Variants in C20orf203 observed in about 807,000 individuals in gnomAD.
C20orf203 encodes the protein uncharacterized protein C20orf203.
C20orf203 carries 16 observed loss-of-function variants against 15.9 expected under a neutral mutation model. That is an observed-to-expected ratio of 1.01 (90% CI 0.68 to 1.53). The LOEUF (loss-of-function observed/expected upper bound fraction) is 1.53, where lower values mean the gene tolerates loss of function less well. Ranked by LOEUF, C20orf203 falls within the 40% of genes most tolerant of loss-of-function variation. The pLI is 0.00. For synonymous variants in C20orf203, 98 were observed against 97.2 expected, an observed-to-expected ratio of 1.01 and a Z score of -0.05; for missense variants, 263 against 247.5, an observed-to-expected ratio of 1.06 and a Z score of -0.42.
chr20:32,660,846 G>A (rs552539338), intron 1 of C20orf203, among the ~76,000 whole-genome samples: 21 of 151,702 alleles, frequency 1.4e-4, no homozygotes, highest in African/African-American at 3.9e-4. Flanking sequence ...TTCACACGGC[G>A]GCAGGAGAGA....
intron 1 of C20orf203, among the ~76,000 whole-genome samples, chr20:32,668,317 A>G (rs2145683136): frequency 6.6e-6 from 1 of 152,246 alleles, no homozygotes; most frequent in East Asian, 1.9e-4. Flanking sequence ...CACAGCAGGA[A>G]GCAGAATCTA....
intron 5 of C20orf203, 73 bp from the exon 6 acceptor site, chr20:32,634,343 A>G (rs1220540338): frequency 7.6e-6 from 3 of 397,310 alleles, no homozygotes; most frequent in Admixed American, 4.4e-5. Flanking sequence ...CATCATGGAC[A>G]AAGCGGTGGA....
chr20:32,638,530 G>T (rs1038861238), intron 5 of C20orf203, among the ~76,000 whole-genome samples: 1 of 152,200 alleles, frequency 6.6e-6, no homozygotes, highest in Non-Finnish European at 1.5e-5. Context: ...GGACACCAGA[G>T]GAGTCTGAGG....
intron 1 of C20orf203, 109 bp from the exon 2 acceptor site, chr20:32,652,090 C>T (rs926786271): frequency 4.6e-5 from 7 of 152,172 alleles, no homozygotes; most frequent in African/African-American, 1.4e-4. Flanking sequence ...AGGAGGATCA[C>T]TTGAGATCAG....
At chr20:32,668,487 G>A (rs570214850) in intron 1 of C20orf203, among the ~76,000 whole-genome samples, 46 of 152,116 alleles carry the variant, frequency 3.0e-4, no homozygotes, top group African/African-American at 1.1e-3. Flanking sequence ...TTAGCTGGGC[G>A]TGGTGGCGGG....
rs1418704137 is a variant in C20orf203 at position 32,651,089 on chromosome 20, T to A, written c.64A>T (p.Met22Leu). The change falls in exon 3 of 6, where the codon ATG becomes TTG. Residue 22 changes from methionine (M) to leucine (L), a missense_variant. Met to Leu is a conservative substitution (Grantham distance 15). Coordinates refer to ENST00000608990, the MANE Select transcript of C20orf203 (RefSeq NM_182584.4). Reference protein sequence around the residue: ...QAILLPQPPNMLDHRQWPPRL... With the variant: ...QAILLPQPPNLLDHRQWPPRL... ...GGTGGCCACTGCCTGTGATCCAGCA[T>A]GTTGGGAGGCTGAGGCAGGAGAATC... 6.7e-7 allele frequency: 1 copy of A among 1,501,600 alleles called. No homozygotes were observed. Among genetic ancestry groups the A allele is most frequent in the African/African-American group, 1.4e-5 (1 of 70,336 alleles). The allele number at this position is 1,501,600 out of a possible 1,614,324, so 93.0% of individuals were successfully genotyped here.
chr20:32,658,583 A>G (rs1982816852), intron 1 of C20orf203, among the ~76,000 whole-genome samples: 1 of 152,054 alleles, frequency 6.6e-6, no homozygotes, highest in Non-Finnish European at 1.5e-5. Flanking sequence ...GTGAACTACC[A>G]CACCCAATCT....
At chr20:32,662,884 T>TAAA (rs549813618) in intron 1 of C20orf203, among the ~76,000 whole-genome samples, 2,029 of 110,932 alleles carry the variant, frequency 0.018, 58 homozygotes, top group African/African-American at 0.061. Flanking sequence ...TCTGTCTCTA[T>TAAA]AAAAAAAAAA....
At position 32,666,155 on chromosome 20, in the gene C20orf203, T is replaced by TA. The variant is rs147487671; in HGVS notation, c.-264+7476dup. 3.8e-3 allele frequency among the ~76,000 whole-genome samples: 389 copies of TA among 102,728 alleles called. 1 individual carries two copies. Among genetic ancestry groups the TA allele is most frequent in the East Asian group, 0.016 (36 of 2,244 alleles). The allele number at this position is 102,728 out of a possible 152,430, so 67.4% of individuals were successfully genotyped here. ...CTCAATAAAAAATAAATAAATAAAG[T>TA]AAAAAAAAAAAAAAAAAAAAAAGAT... On this transcript the variant is annotated intron_variant, in intron 1 of 5. Coordinates refer to ENST00000608990, the MANE Select transcript of C20orf203 (RefSeq NM_182584.4).
chr20:32,651,138 A>G lies in C20orf203; in HGVS notation c.15T>C (p.Pro5=), dbSNP rs1311414618. Residue 5 remains proline, a synonymous_variant, in exon 3 of 6, where the codon CCT becomes CCC. Coordinates refer to ENST00000608990, the MANE Select transcript of C20orf203 (RefSeq NM_182584.4). MFPR[P]VLNSRAQAIL... ...TCGCTTGAGCCCGGGAGTTCAAGAC[A>G]GGCCTAGGAAACATAGGAGACCCTC... 2 of 757,542 alleles carry G rather than the reference A, an allele frequency of 2.6e-6. No homozygotes were observed. The highest frequency in any genetic ancestry group is 3.9e-6 in the Non-Finnish European group (2 of 506,776). 46.9% of individuals were successfully genotyped at this position (757,542 alleles called of 1,614,324 possible).
At chr20:32,668,043 C>G (rs1227422029) in intron 1 of C20orf203, among the ~76,000 whole-genome samples, 1 of 152,174 alleles carries the variant, frequency 6.6e-6, no homozygotes, top group African/African-American at 2.4e-5. Flanking sequence ...GAGTGAATCC[C>G]TGCTGCCCCT....
chr20:32,673,400 G>A (rs761157195), intron 1 of C20orf203, among the ~76,000 whole-genome samples: 7 of 152,260 alleles, frequency 4.6e-5, no homozygotes, highest in Non-Finnish European at 8.8e-5. Flanking sequence ...CATAGCTGCC[G>A]GAGATGGGCT....
At chr20:32,662,339 C>T (rs1022986544) in intron 1 of C20orf203, among the ~76,000 whole-genome samples, 3 of 152,190 alleles carry the variant, frequency 2.0e-5, no homozygotes, top group African/African-American at 7.2e-5. Context: ...TGGCTCACAC[C>T]TGTAATCCCA....
intron 5 of C20orf203, 63 bp from the exon 6 acceptor site, chr20:32,634,333 C>T: frequency 2.5e-6 from 1 of 397,538 alleles, no homozygotes; most frequent in African/African-American, 2.1e-5. Flanking sequence ...GGTACTGTGA[C>T]ATCATGGACA....
chr20:32,650,803 G>A lies in C20orf203; in HGVS notation c.214C>T (p.Gln72Ter). 6.7e-7 allele frequency: 1 copy of A among 1,495,538 alleles called. No individual in the cohort carries two copies. The highest frequency in any genetic ancestry group is 8.9e-7 in the Non-Finnish European group (1 of 1,120,410). 92.6% of individuals were successfully genotyped at this position (1,495,538 alleles called of 1,614,324 possible). A position where few individuals can be genotyped will look rare whatever the true frequency, so the allele number is the denominator to read the frequency against. ...GGAGRRTSKA[Q>*]RVHPQPSHQR... Reference sequence around the variant, plus strand: ...TGGCTGGGCTGGGGGTGGACTCGCTGAGCCTTTGAGGTCCTCCTTCCCGCC... The same window carrying A: ...TGGCTGGGCTGGGGGTGGACTCGCTAAGCCTTTGAGGTCCTCCTTCCCGCC... Residue 72 changes from glutamine (Q) to a stop codon, truncating the protein, a stop_gained, in exon 4 of 6, where the codon CAG becomes TAG. Transcript: ENST00000608990. LOFTEE classifies it high-confidence loss of function.
chr20:32,648,523 C>A (rs1455705925), intron 4 of C20orf203, among the ~76,000 whole-genome samples: 1 of 145,784 alleles, frequency 6.9e-6, no homozygotes, highest in African/African-American at 2.5e-5. Flanking sequence ...TCACTGCAAG[C>A]TCCGCCTCCC....
chr20:32,655,905 T>C (rs1982742567), intron 1 of C20orf203, among the ~76,000 whole-genome samples: 1 of 152,188 alleles, frequency 6.6e-6, no homozygotes, highest in African/African-American at 2.4e-5. Context: ...TGCTGGGAGA[T>C]GTTTGGGTCA....
At chr20:32,636,142 T>A (rs1041313083) in intron 5 of C20orf203, among the ~76,000 whole-genome samples, 4 of 152,142 alleles carry the variant, frequency 2.6e-5, no homozygotes, top group African/African-American at 9.7e-5. Context: ...GCCTGGATGG[T>A]GAGCTGCTGG....
chr20:32,659,734 C>T (rs971262902), intron 1 of C20orf203, among the ~76,000 whole-genome samples: 1 of 152,226 alleles, frequency 6.6e-6, no homozygotes, highest in Admixed American at 6.5e-5. Context: ...CCCACAGTGA[C>T]TGTGTGGCAG....
Sources: gnomAD v4.1 joint callset for allele counts (sites outside exome capture counted in the v4.1 genomes callset) on GRCh38, gnomAD v4.1.1 for gene constraint, MANE v1.5 for transcripts, NCBI Gene and HGNC (gene_info 2026-07-23, HGNC 2026-07-21) for gene names.